Variants in PPP1R21 observed in about 807,000 individuals in gnomAD.
The protein encoded by PPP1R21 is KLRAQ motif containing 1.
A neutral mutation model predicts 112.8 loss-of-function variants in PPP1R21; 85 were observed. The observed-to-expected ratio is 0.75, with a 90% confidence interval of 0.63 to 0.90. The LOEUF (loss-of-function observed/expected upper bound fraction) is 0.90, where lower values mean the gene tolerates loss of function less well. Among genes scored for constraint, PPP1R21 ranks in the 40% least tolerant of loss-of-function variants. PPP1R21 has a pLI of 0.00. For missense variants in PPP1R21, 1,199 were observed against 901.5 expected (o/e 1.33, Z -4.23); for synonymous variants, 381 against 322.3 (o/e 1.18, Z -1.95).
intron 17 of PPP1R21, among the ~76,000 whole-genome samples, chr2:48,503,919 C>T (rs928469824): frequency 7.4e-5 from 11 of 148,766 alleles, no homozygotes; most frequent in East Asian, 3.9e-4. Context: ...CACCATTGCA[C>T]TCCAGCCTGG....
At chr2:48,505,506 C>G in intron 17 of PPP1R21, 58 bp from the exon 18 acceptor site, 3 of 1,259,600 alleles carry the variant, frequency 2.4e-6, no homozygotes, top group Non-Finnish European at 3.4e-6. Context: ...AGCGTTTGAT[C>G]TATTGTGCTT....
chr2:48,471,912 T>C (rs1346056471), intron 11 of PPP1R21, among the ~76,000 whole-genome samples: 1 of 152,190 alleles, frequency 6.6e-6, no homozygotes, highest in East Asian at 1.9e-4. Flanking sequence ...CCTATTTCAT[T>C]TAAATCTTTC....
intron 9 of PPP1R21, among the ~76,000 whole-genome samples, chr2:48,469,279 G>T (rs1486408344): frequency 2.4e-5 from 1 of 42,478 alleles, no homozygotes; most frequent in South Asian, 1.0e-3. Flanking sequence ...GTGTGTGTGT[G>T]TGTGTGTGTG....
Position 48,479,957 on chromosome 2 carries a change from A to G in PPP1R21, c.1259A>G (p.Tyr420Cys), listed in dbSNP as rs763335499. 1.1e-5 allele frequency: 18 copies of G among 1,613,028 alleles called. No individual in the cohort carries two copies. The highest frequency in any genetic ancestry group is 1.7e-4 in the Middle Eastern group (1 of 6,056). Residue 420 changes from tyrosine (Y) to cysteine (C), a missense_variant, in exon 13 of 22, where the codon TAC (tyrosine) becomes TGC (cysteine). By Grantham distance (194) the Tyr-to-Cys change is radical (BLOSUM62 -2). Coordinates refer to ENST00000294952, the MANE Select transcript of PPP1R21 (RefSeq NM_001135629.3). ...CCAGATGGACTCCTTCGGACAAACT[A>G]CAGTTCTGTGTTAACAAATGTTGGT... ...TEPDGLLRTN[Y>C]SSVLTNVGAA...
At chr2:48,474,130 C>G (rs909437122) in intron 11 of PPP1R21, among the ~76,000 whole-genome samples, 42 of 152,082 alleles carry the variant, frequency 2.8e-4, no homozygotes, top group Admixed American at 2.8e-3. Flanking sequence ...TGCCTGTAAT[C>G]CCAGCACTTT....
chr2:48,495,302 C>G (rs546723645), intron 15 of PPP1R21, among the ~76,000 whole-genome samples: 2 of 152,188 alleles, frequency 1.3e-5, no homozygotes, highest in African/African-American at 2.4e-5. Context: ...CTCCCAGGTT[C>G]AAGTGATTCT....
chr2:48,510,229 C>T (rs1018350135), intron 20 of PPP1R21, 116 bp downstream of exon 20: 6 of 625,332 alleles, frequency 9.6e-6, no homozygotes, highest in Middle Eastern at 8.8e-4. Flanking sequence ...TTTAAGATAA[C>T]CACTGTATTT....
intron 5 of PPP1R21, 29 bp from the exon 6 acceptor site, chr2:48,460,066 T>C: frequency 6.2e-7 from 1 of 1,613,590 alleles, no homozygotes; most frequent in East Asian, 2.2e-5. Flanking sequence ...GCCTGAGCCA[T>C]CTGTGTTTCT....
chr2:48,496,405 C>T (rs1669837129), intron 16 of PPP1R21, among the ~76,000 whole-genome samples: 1 of 151,960 alleles, frequency 6.6e-6, no homozygotes, highest in African/African-American at 2.4e-5. Flanking sequence ...TGCCCCATAC[C>T]CTAGAGGGAG....
chr2:48,511,042 A>T (rs1670614090), intron 20 of PPP1R21, among the ~76,000 whole-genome samples: 1 of 152,132 alleles, frequency 6.6e-6, no homozygotes, highest in Admixed American at 6.5e-5. Context: ...GAATTTTTTT[A>T]AAAAATTGAT....
chr2:48,459,985 A>C, intron 5 of PPP1R21, 67 bp downstream of exon 5: 1 of 1,591,076 alleles, frequency 6.3e-7, no homozygotes, highest in Non-Finnish European at 8.6e-7. Flanking sequence ...TTGTCTATCC[A>C]CTTAGAGTTA....
At chr2:48,495,449 G>A (rs576806008) in intron 15 of PPP1R21, among the ~76,000 whole-genome samples, 4 of 152,184 alleles carry the variant, frequency 2.6e-5, no homozygotes, top group East Asian at 1.9e-4. Context: ...TGATCCGCTC[G>A]CCTCGACCTC....
chr2:48,448,071 T>G (rs1408454451), intron 1 of PPP1R21, among the ~76,000 whole-genome samples: 1 of 152,148 alleles, frequency 6.6e-6, no homozygotes, highest in African/African-American at 2.4e-5. Context: ...GATGCTGAAA[T>G]GCAGAAAAAC....
chr2:48,486,834 G>A, intron 14 of PPP1R21, 76 bp downstream of exon 14: 1 of 1,494,832 alleles, frequency 6.7e-7, no homozygotes, highest in African/African-American at 1.4e-5. Context: ...TAGGAAAATG[G>A]ATCTGTAAAA....
intron 9 of PPP1R21, among the ~76,000 whole-genome samples, chr2:48,469,523 T>G (rs1170541668): frequency 9.7e-6 from 1 of 103,238 alleles, no homozygotes; most frequent in African/African-American, 3.9e-5. Flanking sequence ...TATATATATA[T>G]ATATATATAT....
intron 9 of PPP1R21, among the ~76,000 whole-genome samples, chr2:48,470,512 T>A (rs1166696272): frequency 1.1e-4 from 16 of 145,774 alleles, no homozygotes; most frequent in Non-Finnish European, 2.3e-4. Context: ...AGAGTGAAAC[T>A]CTGTCTCAAA....
chr2:48,474,026 T>C (rs1668635402), intron 11 of PPP1R21, among the ~76,000 whole-genome samples: 1 of 152,236 alleles, frequency 6.6e-6, no homozygotes, highest in Non-Finnish European at 1.5e-5. Flanking sequence ...TCATTTTCTT[T>C]AGGAATTTAG....
intron 17 of PPP1R21, among the ~76,000 whole-genome samples, chr2:48,502,624 C>A (rs1670170066): frequency 6.8e-6 from 1 of 147,548 alleles, no homozygotes; most frequent in Non-Finnish European, 1.5e-5. Flanking sequence ...AGGGAGATTA[C>A]TTTGGTTCAG....
chr2:48,485,974 T>G (rs896910435), intron 13 of PPP1R21, among the ~76,000 whole-genome samples: 1 of 147,954 alleles, frequency 6.8e-6, no homozygotes, highest in Admixed American at 6.8e-5. Context: ...GTTTTATATA[T>G]TATATTAATA....
Sources: allele counts gnomAD v4.1 joint callset (sites outside exome capture counted in the v4.1 genomes callset), GRCh38; gene constraint gnomAD v4.1.1; transcripts MANE v1.5; gene names NCBI Gene and HGNC (gene_info 2026-07-23, HGNC 2026-07-21).